RRAD: variants seen among roughly 807,000 people sequenced by gnomAD.
RRAD encodes RRAD, Ras related glycolysis inhibitor and calcium channel regulator, also known as GTP-binding protein RAD.
RRAD carries 15 observed loss-of-function variants against 24.7 expected under a neutral mutation model. The observed-to-expected ratio is 0.61, with a 90% CI of 0.41 to 0.93. RRAD has a LOEUF of 0.93. RRAD is among the 40% of genes least tolerant of loss of function. RRAD has a pLI of 0.00. For missense variants in RRAD, 438 were observed against 452.2 expected (o/e 0.97, Z 0.29); for synonymous variants, 180 against 189.8 (o/e 0.95, Z 0.43).
chr16:66,922,673 G>T (rs1567540952), intron 4 of RRAD, among the ~76,000 whole-genome samples: 1 of 152,102 alleles, frequency 6.6e-6, no homozygotes, highest in Non-Finnish European at 1.5e-5. Flanking sequence ...GGACAACTTA[G>T]TATTTTATTT....
Position 66,924,951 on chromosome 16 carries a change from C to T in RRAD, c.229G>A (p.Glu77Lys), listed in dbSNP as rs997985313. The T allele has an allele frequency of 5.2e-6, 8 of 1,542,930 alleles. No homozygotes were observed. The highest frequency in any genetic ancestry group is 4.9e-5 in the East Asian group (2 of 40,990). ...GPRLDWPEDSEDSLSSGGSDS... is the reference protein window; with the variant it reads ...GPRLDWPEDSKDSLSSGGSDS... Reference sequence around the variant, plus strand: ...CTGCCCCCTGAGCTGAGCGAGTCCTCGGAGTCCTCGGGCCAGTCCAGCCTG... The same window carrying T: ...CTGCCCCCTGAGCTGAGCGAGTCCTTGGAGTCCTCGGGCCAGTCCAGCCTG... Residue 77 changes from glutamate to lysine, a missense_variant, in exon 2 of 5, where the codon GAG becomes AAG. Physicochemically the swap from Glu to Lys is moderately conservative, Grantham distance 56. Coordinates refer to ENST00000299759, the MANE Select transcript of RRAD (RefSeq NM_004165.3). The surrounding 1 kb of genome is among the most constrained non-coding windows in gnomAD (Gnocchi z 4.2).
At position 66,923,478 on chromosome 16, in the gene RRAD, TG is replaced by T; in HGVS notation, c.649+37del. On this transcript the variant is annotated intron_variant, in intron 4 of 4. Coordinates refer to ENST00000299759, the MANE Select transcript of RRAD (RefSeq NM_004165.3). This position sits in a 1 kb window ranked among gnomAD's most constrained non-coding sequence, Gnocchi z 4.9. ...AAGACTGCCTGGATCAGGGCCCAGC[TG>T]GGCTCTCCCTCCCCCTGCAACCTGC... 2 of 1,545,128 alleles carry T rather than the reference TG, an allele frequency of 1.3e-6. No individual in the cohort carries two copies. Among genetic ancestry groups the T allele is most frequent in the East Asian group, 2.3e-5 (1 of 44,426 alleles).
rs1246878264 is a variant in RRAD, at chr16:66,921,938, C to T, written c.*138G>A. On this transcript the variant is annotated 3_prime_UTR_variant, in exon 5 of 5. Coordinates refer to ENST00000299759, the MANE Select transcript of RRAD (RefSeq NM_004165.3). ...GGCAGCACTGTCTATCTGTCCATGA[C>T]CATGAGGTTGGGGGTGCCCGGCTGG... The T allele has an allele frequency of 1.4e-6, 1 of 704,430 alleles. No homozygotes were observed. Among genetic ancestry groups the T allele is most frequent in the Non-Finnish European group, 2.4e-6 (1 of 425,394 alleles). The allele number at this position is 704,430 out of a possible 1,614,324, so 43.6% of individuals were successfully genotyped here.
Position 66,924,409 on chromosome 16 carries a change from G to A in RRAD, c.370+401C>T, listed in dbSNP as rs541010278. Among the ~76,000 whole-genome samples, 12 of 152,336 alleles carry A rather than the reference G, an allele frequency of 7.9e-5. No individual in the cohort carries two copies. Among genetic ancestry groups the A allele is most frequent in the Admixed American group, 6.5e-4 (10 of 15,308 alleles). ...TGGCCAGGTGCGGTGGCTCACGCCTGTAATCCCAGCACTTTGGGAAGCCAA... is the reference window on the plus strand; with the variant it reads ...TGGCCAGGTGCGGTGGCTCACGCCTATAATCCCAGCACTTTGGGAAGCCAA... On this transcript the variant is annotated intron_variant, in intron 2 of 4. Transcript: ENST00000299759. The surrounding 1 kb of genome is among the most constrained non-coding windows in gnomAD (Gnocchi z 4.2).
rs755660221 is a variant in RRAD, at chr16:66,922,330, A to G, written c.673T>C (p.Phe225Leu). The stretch of plus-strand genomic sequence containing the variant: ...GATGTCTCAATGAACTTGCAGTCAA[A>G]GACCACCGCGCAGGCCCGGCCCTCT... ...VDEGRACAVV[F>L]DCKFIETSAA... Residue 225 changes from phenylalanine (F) to leucine (L), a missense_variant, in exon 5 of 5, where the codon TTT (phenylalanine) becomes CTT (leucine). Physicochemically the swap from Phe to Leu is conservative, Grantham distance 22. Transcript: ENST00000299759. 4.4e-6 allele frequency: 7 copies of G among 1,601,014 alleles called. No individual in the cohort carries two copies. In the Admixed American group the frequency reaches 1.0e-4, roughly 23 times the overall value.
Position 66,924,640 on chromosome 16 carries a change from T to C in RRAD, c.370+170A>G, listed in dbSNP as rs1426634803. On this transcript the variant is annotated intron_variant, in intron 2 of 4. Coordinates refer to ENST00000299759, the MANE Select transcript of RRAD (RefSeq NM_004165.3). This position sits in a 1 kb window ranked among gnomAD's most constrained non-coding sequence, Gnocchi z 4.2. ...AGATCGAGGCCACTGCACTCCAGCC[T>C]GGGAAAAAGAGCGAAACTCTGTCTC... 6.6e-6 allele frequency among the ~76,000 whole-genome samples: 1 copy of C among 151,948 alleles called. No individual in the cohort carries two copies. Among genetic ancestry groups the C allele is most frequent in the Admixed American group, 6.6e-5 (1 of 15,230 alleles).
rs1202681910 is a variant in RRAD, at chr16:66,922,124, C to T, written c.879G>A (p.Met293Ile). ...AGGACTTGGATTTGGCGCGAAAGGC[C>T]ATCTTGCGGCTGTTACGAGCTACGA... ...GRIVARNSRK[M>I]AFRAKSKSCH... Residue 293 changes from methionine to isoleucine, a missense_variant, in exon 5 of 5, where the codon ATG becomes ATA. Physicochemically the swap from Met to Ile is conservative, Grantham distance 10. Transcript: ENST00000299759. The T allele has an allele frequency of 3.7e-6, 6 of 1,612,462 alleles. No homozygotes were observed. In the Admixed American group the frequency reaches 1.0e-4, roughly 27 times the overall value.
rs748674807 is a variant in RRAD at position 66,922,262 on chromosome 16, G to C, written c.741C>G (p.Val247=). ...HHNVQALFEG[V]VRQIRLRRDS... ...CCCTGCGCAGGCGTATCTGGCGCAC[G>C]ACACCTTCAAACAGCGCCTGGACAT... The change falls in exon 5 of 5, where the codon GTC becomes GTG. Residue 247 remains valine, a synonymous_variant. Coordinates refer to ENST00000299759, the MANE Select transcript of RRAD (RefSeq NM_004165.3). 9.9e-6 allele frequency: 16 copies of C among 1,613,908 alleles called. No homozygotes were observed. Among genetic ancestry groups the C allele is most frequent in the African/African-American group, 1.3e-5 (1 of 74,946 alleles).
At position 66,923,964 on chromosome 16, in the gene RRAD, C is replaced by CTGGG; in HGVS notation, c.371-46_371-45insCCCA. The CTGGG allele has an allele frequency of 6.6e-7, 1 of 1,525,290 alleles. No homozygotes were observed. The allele number at this position is 1,525,290 out of a possible 1,614,324, so 94.5% of individuals were successfully genotyped here. A position where few individuals can be genotyped will look rare whatever the true frequency, so the allele number is the denominator to read the frequency against. ...ACAGGTTACCAGCTGGTTGTCAAAG[C>CTGGG]CGCTGCTGCCAGGTTTCCTGTTCTG... On this transcript the variant is annotated intron_variant, in intron 2 of 4. Transcript: ENST00000299759. The surrounding 1 kb of genome is among the most constrained non-coding windows in gnomAD (Gnocchi z 4.9).
chr16:66,921,867 T>C lies in RRAD; in HGVS notation c.*209A>G. On this transcript the variant is annotated 3_prime_UTR_variant, in exon 5 of 5. Coordinates refer to ENST00000299759, the MANE Select transcript of RRAD (RefSeq NM_004165.3). ...GGACGCATATGAGCCTGCGCATGCATCTCTGTGGGCCCAGCCCTCACTGGC... is the reference window on the plus strand; with the variant it reads ...GGACGCATATGAGCCTGCGCATGCACCTCTGTGGGCCCAGCCCTCACTGGC... 2 of 557,494 alleles carry C rather than the reference T, an allele frequency of 3.6e-6. No homozygotes were observed. The highest frequency in any genetic ancestry group is 3.2e-6 in the Non-Finnish European group (1 of 315,666). 34.5% of individuals were successfully genotyped at this position (557,494 alleles called of 1,614,324 possible).
At position 66,923,991 on chromosome 16, in the gene RRAD, C is replaced by T; in HGVS notation, c.371-72G>A. The T allele has an allele frequency of 1.7e-6, 2 of 1,191,548 alleles. No homozygotes were observed. The highest frequency in any genetic ancestry group is 1.2e-5 in the South Asian group (1 of 82,636). The allele number at this position is 1,191,548 out of a possible 1,614,324, so 73.8% of individuals were successfully genotyped here. ...GCTGCTGCCAGGTTTCCTGTTCTGGCCACACCCTCCAACTCTTCCCCAGAG... is the reference window on the plus strand; with the variant it reads ...GCTGCTGCCAGGTTTCCTGTTCTGGTCACACCCTCCAACTCTTCCCCAGAG... On this transcript the variant is annotated intron_variant, in intron 2 of 4. Coordinates refer to ENST00000299759, the MANE Select transcript of RRAD (RefSeq NM_004165.3). The surrounding 1 kb of genome is among the most constrained non-coding windows in gnomAD (Gnocchi z 4.9).
chr16:66,925,129 G>A lies in RRAD; in HGVS notation c.51C>T (p.Gly17=), dbSNP rs889647564. The change falls in exon 2 of 5, where the codon GGC becomes GGT. Residue 17 remains glycine (G), a synonymous_variant. Coordinates refer to ENST00000299759, the MANE Select transcript of RRAD (RefSeq NM_004165.3). This position sits in a 1 kb window ranked among gnomAD's most constrained non-coding sequence, Gnocchi z 5.2. The part of the protein sequence containing the change: ...GSGAGGSRGG[G]QERERRRGST... The stretch of plus-strand genomic sequence containing the variant: ...TGCCCCGACGGCGCTCGCGCTCCTG[G>A]CCCCCACCGCGGCTCCCGCCCGCTC... The A allele has an allele frequency of 8.2e-6, 10 of 1,226,478 alleles. No homozygotes were observed. The South Asian group carries it at 3.3e-4, about 41-fold the overall frequency. The allele number at this position is 1,226,478 out of a possible 1,614,324, so 76.0% of individuals were successfully genotyped here.
chr16:66,922,447 G>A lies in RRAD; in HGVS notation c.650-94C>T. The A allele has an allele frequency of 3.8e-6, 5 of 1,330,850 alleles. No individual in the cohort carries two copies. The South Asian group carries it at 7.1e-5, about 19-fold the overall frequency. 82.4% of individuals were successfully genotyped at this position (1,330,850 alleles called of 1,614,324 possible). A position where few individuals can be genotyped will look rare whatever the true frequency, so the allele number is the denominator to read the frequency against. On this transcript the variant is annotated intron_variant, in intron 4 of 4. Coordinates refer to ENST00000299759, the MANE Select transcript of RRAD (RefSeq NM_004165.3). ...TGGCCACCCATGGAAGCTGCCACTC[G>A]AGAATTTGCAAGGTCCTCCCCGAAA...
rs1019733856 is a variant in RRAD, at chr16:66,923,112, A to T, written c.649+404T>A. Among the ~76,000 whole-genome samples, 1 of 152,226 alleles carries T rather than the reference A, an allele frequency of 6.6e-6. No homozygotes were observed. The highest frequency in any genetic ancestry group is 1.5e-5 in the Non-Finnish European group (1 of 68,042). ...TGAGGGGCTCAGTACTGGGGTCCACAGAAAAGGATGCTGAGGCCAAGTGGG... is the reference window on the plus strand; with the variant it reads ...TGAGGGGCTCAGTACTGGGGTCCACTGAAAAGGATGCTGAGGCCAAGTGGG... On this transcript the variant is annotated intron_variant, in intron 4 of 4. Transcript: ENST00000299759. The surrounding 1 kb of genome is among the most constrained non-coding windows in gnomAD (Gnocchi z 4.9).
In RRAD at chr16:66,925,137, C is replaced by G; in HGVS notation, c.43G>C (p.Gly15Arg). ...CGGCGCTCGCGCTCCTGGCCCCCACCGCGGCTCCCGCCCGCTCCGCTGCCG... is the reference window on the plus strand; with the variant it reads ...CGGCGCTCGCGCTCCTGGCCCCCACGGCGGCTCCCGCCCGCTCCGCTGCCG... ...GGGSGAGGSR[G>R]GGQERERRRG... Residue 15 changes from glycine (G) to arginine (R), a missense_variant, in exon 2 of 5, where the codon GGT becomes CGT. Physicochemically the swap from Gly to Arg is moderately radical, Grantham distance 125. Coordinates refer to ENST00000299759, the MANE Select transcript of RRAD (RefSeq NM_004165.3). The surrounding 1 kb of genome is among the most constrained non-coding windows in gnomAD (Gnocchi z 5.2). The G allele has an allele frequency of 5.7e-6, 7 of 1,226,562 alleles. No homozygotes were observed. Among genetic ancestry groups the G allele is most frequent in the Non-Finnish European group, 7.1e-6 (7 of 985,086 alleles). The allele number at this position is 1,226,562 out of a possible 1,614,324, so 76.0% of individuals were successfully genotyped here. A position where few individuals can be genotyped will look rare whatever the true frequency, so the allele number is the denominator to read the frequency against.
rs1406578306 is a variant in RRAD, at chr16:66,923,472, C to A, written c.649+44G>T. The A allele has an allele frequency of 3.3e-6, 5 of 1,510,454 alleles. No homozygotes were observed. In the South Asian group the frequency reaches 3.5e-5, roughly 11 times the overall value. 93.6% of individuals were successfully genotyped at this position (1,510,454 alleles called of 1,614,324 possible). On this transcript the variant is annotated intron_variant, in intron 4 of 4. Transcript: ENST00000299759. This position sits in a 1 kb window ranked among gnomAD's most constrained non-coding sequence, Gnocchi z 4.9. ...TGAGCCAAGACTGCCTGGATCAGGG[C>A]CCAGCTGGGCTCTCCCTCCCCCTGC...
Position 66,925,446 on chromosome 16 carries a change from A to T in RRAD, c.-53T>A. The T allele has an allele frequency of 9.7e-6, 3 of 310,372 alleles. No homozygotes were observed. Among genetic ancestry groups the T allele is most frequent in the Non-Finnish European group, 1.8e-5 (3 of 170,280 alleles). The allele number at this position is 310,372 out of a possible 1,614,324, so 19.2% of individuals were successfully genotyped here. On this transcript the variant is annotated 5_prime_UTR_variant, in exon 1 of 5. Transcript: ENST00000299759. The surrounding 1 kb of genome is among the most constrained non-coding windows in gnomAD (Gnocchi z 5.2). ...AGACACGCTCAGGACTAGGATCCGGATTAGGAGGCCACGCACTCGTAGTCC... is the reference window on the plus strand; with the variant it reads ...AGACACGCTCAGGACTAGGATCCGGTTTAGGAGGCCACGCACTCGTAGTCC...
In RRAD at chr16:66,922,092, T is replaced by C. The variant is rs1691897434; in HGVS notation, c.911A>G (p.Asp304Gly). The change falls in exon 5 of 5, where the codon GAC becomes GGC. Residue 304 changes from aspartate to glycine, a missense_variant. Asp to Gly is a moderately conservative substitution (Grantham distance 94, BLOSUM62 -1). Coordinates refer to ENST00000299759, the MANE Select transcript of RRAD (RefSeq NM_004165.3). The part of the protein sequence containing the change: ...AFRAKSKSCH[D>G]LSVL ...GGGTGGGACCTAGAGAACCGAGAGG[T>C]CGTGGCAGGACTTGGATTTGGCGCG... 2 of 1,606,944 alleles carry C rather than the reference T, an allele frequency of 1.2e-6. No homozygotes were observed. The highest frequency in any genetic ancestry group is 2.7e-5 in the African/African-American group (2 of 74,666).
At position 66,923,403 on chromosome 16, in the gene RRAD, T is replaced by C; in HGVS notation, c.649+113A>G. On this transcript the variant is annotated intron_variant, in intron 4 of 4. Coordinates refer to ENST00000299759, the MANE Select transcript of RRAD (RefSeq NM_004165.3). This position sits in a 1 kb window ranked among gnomAD's most constrained non-coding sequence, Gnocchi z 4.9. ...CCCATTTCCCTCCCCGCCAGTTTTCTTTCTGAACATTTTTAGCCTCTGATG... is the reference window on the plus strand; with the variant it reads ...CCCATTTCCCTCCCCGCCAGTTTTCCTTCTGAACATTTTTAGCCTCTGATG... 1 of 890,810 alleles carries C rather than the reference T, an allele frequency of 1.1e-6. No individual in the cohort carries two copies. The highest frequency in any genetic ancestry group is 1.7e-6 in the Non-Finnish European group (1 of 582,754). 55.2% of individuals were successfully genotyped at this position (890,810 alleles called of 1,614,324 possible).
Sources: gnomAD v4.1 joint callset for allele counts (sites outside exome capture counted in the v4.1 genomes callset) on GRCh38, gnomAD v4.1.1 for gene constraint, Gnocchi (gnomAD v3.1) non-coding constraint, MANE v1.5 for transcripts, NCBI Gene and HGNC (gene_info 2026-07-23, HGNC 2026-07-21) for gene names.